Variants in SEMA3A observed in about 807,000 individuals in gnomAD.
SEMA3A encodes semaphorin 3A.
SEMA3A carries 29 observed loss-of-function variants against 97.9 expected under a neutral mutation model. The observed-to-expected ratio is 0.30, with a 90% CI of 0.22 to 0.40. The LOEUF (loss-of-function observed/expected upper bound fraction) is 0.40. SEMA3A is among the 10% of genes least tolerant of loss of function. The probability of loss-of-function intolerance (pLI) is 1.00; values close to 1 mark genes in which losing one functional copy is unlikely to be tolerated. For synonymous variants in SEMA3A, 321 were observed against 323.7 expected (o/e 0.99, Z 0.09); for missense variants, 763 against 951.3 (o/e 0.80, Z 2.60).
At chr7:84,434,594 A>G (rs1805075279) in intron 1 of SEMA3A, among the ~76,000 whole-genome samples, 2 of 152,206 alleles carry the variant, frequency 1.3e-5, no homozygotes. Flanking sequence ...TAATGAGGAC[A>G]GACATAAAAA....
intron 4 of SEMA3A, among the ~76,000 whole-genome samples, chr7:84,091,171 A>AAG (rs1562774294): frequency 2.4e-4 from 13 of 53,176 alleles, no homozygotes; most frequent in South Asian, 1.9e-3. Flanking sequence ...AAGGAAGGAA[A>AAG]GAAAGAAAGA....
intron 6 of SEMA3A, among the ~76,000 whole-genome samples, chr7:84,021,623 T>G (rs1791332509): frequency 6.6e-6 from 1 of 152,224 alleles, no homozygotes; most frequent in Admixed American, 6.5e-5. Context: ...TATAAAACTC[T>G]ATCTTAATCA....
intron 12 of SEMA3A, among the ~76,000 whole-genome samples, chr7:84,001,248 C>A (rs1183848846): frequency 6.6e-6 from 1 of 152,092 alleles, no homozygotes; most frequent in African/African-American, 2.4e-5. Flanking sequence ...ACAACAGACA[C>A]ATGGTATATG....
chr7:84,052,896 G>A (rs1261716930), intron 5 of SEMA3A, among the ~76,000 whole-genome samples: 2 of 151,666 alleles, frequency 1.3e-5, no homozygotes, highest in Non-Finnish European at 2.9e-5. Context: ...GCGTCCCAGA[G>A]ATTCTGGTAT....
intron 6 of SEMA3A, among the ~76,000 whole-genome samples, chr7:84,022,103 T>G (rs973139381): frequency 1.3e-5 from 2 of 152,114 alleles, no homozygotes; most frequent in African/African-American, 4.8e-5. Context: ...ATTAAAATAA[T>G]AGAAAACATG....
At chr7:84,045,249 T>A (rs1446311793) in intron 6 of SEMA3A, among the ~76,000 whole-genome samples, 1 of 151,974 alleles carries the variant, frequency 6.6e-6, no homozygotes, top group Non-Finnish European at 1.5e-5. Flanking sequence ...TATTCAGGCA[T>A]CTTACTGAGA....
At chr7:84,376,603 C>CAAAAAAAAAA (rs60380985) in intron 1 of SEMA3A, among the ~76,000 whole-genome samples, 6 of 36,442 alleles carry the variant, frequency 1.6e-4, no homozygotes, top group African/African-American at 4.9e-4. Flanking sequence ...GACTCCGTCT[C>CAAAAAAAAAA]AAAAAAAAAA....
At chr7:84,095,372 T>TAC (rs1794743346) in intron 4 of SEMA3A, among the ~76,000 whole-genome samples, 1 of 142,488 alleles carries the variant, frequency 7.0e-6, no homozygotes, top group Admixed American at 7.1e-5. Context: ...TATATATATA[T>TAC]ATATATATAT....
At chr7:84,006,239 T>C (rs990926525) in intron 10 of SEMA3A, among the ~76,000 whole-genome samples, 1 of 152,156 alleles carries the variant, frequency 6.6e-6, no homozygotes, top group African/African-American at 2.4e-5. Flanking sequence ...TGAATACATT[T>C]AATTTTTTAC....
chr7:84,250,945 G>A lies in SEMA3A; in HGVS notation c.-83+56262C>T, dbSNP rs115808507. ...ATTCAATTTGACAAAGTATGCGTAT[G>A]TCCAGCACGCAGATAATCTCCTCAA... On this transcript the variant is annotated intron_variant, in intron 3 of 3. Coordinates refer to the SEMA3A transcript ENST00000424555. 3.4e-3 allele frequency among the ~76,000 whole-genome samples: 512 copies of A among 152,242 alleles called. 1 individual carries two copies. The highest frequency in any genetic ancestry group is 0.012 in the African/African-American group (487 of 41,536).
In SEMA3A at chr7:84,483,600, T is replaced by G. The variant is rs185053931; in HGVS notation, c.-246+8860A>C. Among the ~76,000 whole-genome samples the G allele has an allele frequency of 9.2e-4, 140 of 152,226 alleles. 1 individual carries two copies. The highest frequency in any genetic ancestry group is 1.1e-3 in the Non-Finnish European group (73 of 68,034). ...ACTGCCTGAATTGGTGCCCCAACAG[T>G]GCTTTGCTAGTGGTCCATGGTTCTT... On this transcript the variant is annotated intron_variant, in intron 1 of 3. Transcript: ENST00000424555.
intron 3 of SEMA3A, among the ~76,000 whole-genome samples, chr7:84,291,907 A>G (rs575024989): frequency 6.6e-6 from 1 of 152,232 alleles, no homozygotes; most frequent in East Asian, 1.9e-4. Flanking sequence ...AAACCCAGCC[A>G]CAGCTGTGCT....
intron 2 of SEMA3A, among the ~76,000 whole-genome samples, chr7:84,321,872 G>GAAAAAAAAAAAAAAAAAAAAAAAAAA (rs1156548285): frequency 8.3e-5 from 1 of 12,074 alleles, no homozygotes; most frequent in African/African-American, 2.5e-4. Context: ...CGAGACTACG[G>GAAAAAAAAAAAAAAAAAAAAAAAAAA]AAAAAAAAAA....
At chr7:84,421,749 GC>G (rs1804600586) in intron 1 of SEMA3A, among the ~76,000 whole-genome samples, 1 of 152,002 alleles carries the variant, frequency 6.6e-6, no homozygotes, top group Non-Finnish European at 1.5e-5. Flanking sequence ...TTTATCGAAG[GC>G]CTTTTCTGCA....
intron 2 of SEMA3A, among the ~76,000 whole-genome samples, chr7:84,355,111 G>A (rs1802526184): frequency 6.6e-6 from 1 of 151,728 alleles, no homozygotes; most frequent in Non-Finnish European, 1.5e-5. Context: ...TTCATAATAT[G>A]AGAGTAAAAA....
Position 84,284,906 on chromosome 7 carries a change from C to T in SEMA3A, c.-83+22301G>A, listed in dbSNP as rs568355004. On this transcript the variant is annotated intron_variant, in intron 3 of 3. Coordinates refer to the SEMA3A transcript ENST00000424555. ...CAAGTTCTGTTTAACACAGTGGGGT[C>T]ACCAAACATCTAGTAAGGCCTTTGC... Among the ~76,000 whole-genome samples the T allele has an allele frequency of 1.1e-4, 16 of 152,206 alleles. No individual in the cohort carries two copies. The South Asian group carries it at 3.3e-3, about 32-fold the overall frequency.
chr7:84,141,369 C>T (rs781383947), intron 1 of SEMA3A, among the ~76,000 whole-genome samples: 1 of 152,172 alleles, frequency 6.6e-6, no homozygotes, highest in Admixed American at 6.6e-5. Context: ...TTTCCAAGCT[C>T]TTCTTCCAAC....
At chr7:83,971,430 C>CAAAAAAAAAA (rs58083024) in intron 15 of SEMA3A, among the ~76,000 whole-genome samples, 1 of 132,756 alleles carries the variant, frequency 7.5e-6, no homozygotes, top group Non-Finnish European at 1.6e-5. Flanking sequence ...GAAACTCCAT[C>CAAAAAAAAAA]AAAAAAAAAA....
intron 1 of SEMA3A, among the ~76,000 whole-genome samples, chr7:84,174,670 A>C (rs1411315412): frequency 5.9e-5 from 9 of 152,206 alleles, no homozygotes; most frequent in African/African-American, 1.9e-4. Flanking sequence ...CATTCACCTC[A>C]AAAACAATGA....
Sources: allele counts gnomAD v4.1 joint callset (sites outside exome capture counted in the v4.1 genomes callset), GRCh38; gene constraint gnomAD v4.1.1; transcripts MANE v1.5; gene names NCBI Gene and HGNC (gene_info 2026-07-23, HGNC 2026-07-21).